Variants in ZFHX3 observed in about 807,000 individuals in gnomAD.
ZFHX3 encodes zinc finger homeobox 3, also known as zinc finger homeobox protein 3.
In ZFHX3, 42 loss-of-function variants were observed where a neutral mutation model predicts 279.1. That is an observed-to-expected ratio of 0.15 (90% CI 0.12 to 0.19). ZFHX3 has a LOEUF of 0.19. Among genes scored for constraint, ZFHX3 ranks in the 10% least tolerant of loss-of-function variants. The probability of loss-of-function intolerance (pLI) is 1.00; values close to 1 mark genes in which losing one functional copy is unlikely to be tolerated. For missense variants in ZFHX3, 4,981 were observed against 4,754.0 expected (o/e 1.05, Z -1.40); for synonymous variants, 2,293 against 1,957.8 (o/e 1.17, Z -4.52).
chr16:73,337,668 T>C (rs952626966), intron 3 of ZFHX3, among the ~76,000 whole-genome samples: 1 of 151,966 alleles, frequency 6.6e-6, no homozygotes, highest in Non-Finnish European at 1.5e-5. Flanking sequence ...ATCCATCAAA[T>C]GTGCTGGCCT....
chr16:73,339,927 A>G (rs1258747190), intron 3 of ZFHX3, among the ~76,000 whole-genome samples: 1 of 152,232 alleles, frequency 6.6e-6, no homozygotes, highest in Non-Finnish European at 1.5e-5. Flanking sequence ...GTGCTCGACA[A>G]ACCCAGCAAA....
rs758029602 is a variant in ZFHX3 at position 72,787,900 on chromosome 16, G to A, written c.10376C>T (p.Pro3459Leu). ...ADSLYDPFIV[P>L]KVQYKLVCRK... ...GCAGACCAACTTGTACTGCACCTTT[G>A]GAACAATGAAGGGGTCGTAGAGGGA... The change falls in exon 10 of 10, where the codon CCA becomes CTA. Residue 3459 changes from proline (P) to leucine (L), a missense_variant. By Grantham distance (98) the Pro-to-Leu change is moderately conservative. Coordinates refer to ENST00000268489, the MANE Select transcript of ZFHX3 (RefSeq NM_006885.4). 1 of 1,614,036 alleles carries A rather than the reference G, an allele frequency of 6.2e-7. No homozygotes were observed.
At chr16:72,820,315 C>T (rs191136091) in intron 5 of ZFHX3, among the ~76,000 whole-genome samples, 117 of 152,310 alleles carry the variant, frequency 7.7e-4, no homozygotes, top group Admixed American at 7.6e-3. Flanking sequence ...TGCACTAATT[C>T]CTTGCTGAAG....
chr16:73,185,198 A>G (rs1967884599), intron 5 of ZFHX3, among the ~76,000 whole-genome samples: 1 of 152,226 alleles, frequency 6.6e-6, no homozygotes, highest in African/African-American at 2.4e-5. Context: ...GAGCCATATT[A>G]GAATGATGTT....
At chr16:73,704,085 A>G (rs920458932) in intron 1 of ZFHX3, among the ~76,000 whole-genome samples, 6 of 152,182 alleles carry the variant, frequency 3.9e-5, no homozygotes, top group African/African-American at 1.4e-4. Context: ...GAAATTACGC[A>G]ATTTCAGACA....
At chr16:72,927,591 C>A (rs1159854453) in intron 3 of ZFHX3, among the ~76,000 whole-genome samples, 1 of 152,188 alleles carries the variant, frequency 6.6e-6, no homozygotes, top group Non-Finnish European at 1.5e-5. Flanking sequence ...AAGGCAGTGG[C>A]CTTCCCAGCG....
intron 1 of ZFHX3, among the ~76,000 whole-genome samples, chr16:73,767,422 C>G (rs1302086087): frequency 4.6e-5 from 7 of 152,142 alleles, no homozygotes. Context: ...CCAGAAGCAT[C>G]ATGTTGTAAA....
At chr16:72,852,910 G>A (rs1332344616) in intron 4 of ZFHX3, among the ~76,000 whole-genome samples, 1 of 152,140 alleles carries the variant, frequency 6.6e-6, no homozygotes, top group Non-Finnish European at 1.5e-5. Context: ...TGCCTCCTAG[G>A]TTTCAGCCAT....
At chr16:73,701,364 T>C (rs1317948756) in intron 1 of ZFHX3, among the ~76,000 whole-genome samples, 11 of 152,164 alleles carry the variant, frequency 7.2e-5, no homozygotes, top group Admixed American at 6.5e-4. Flanking sequence ...TTTAATTATA[T>C]TGTTTAAAGT....
At chr16:73,740,476 G>A (rs150929533) in intron 1 of ZFHX3, among the ~76,000 whole-genome samples, 17 of 152,048 alleles carry the variant, frequency 1.1e-4, no homozygotes, top group Admixed American at 2.6e-4. Context: ...GCCCAGATCC[G>A]TCATTGGCTA....
At chr16:73,662,788 G>A (rs2142176866) in intron 2 of ZFHX3, among the ~76,000 whole-genome samples, 2 of 152,274 alleles carry the variant, frequency 1.3e-5, no homozygotes, top group African/African-American at 4.8e-5. Flanking sequence ...CAATTTTATA[G>A]ACCCTCATTT....
At chr16:73,429,798 G>A (rs1387680923) in intron 3 of ZFHX3, among the ~76,000 whole-genome samples, 1 of 152,200 alleles carries the variant, frequency 6.6e-6, no homozygotes, top group Admixed American at 6.5e-5. Flanking sequence ...GCTGCTCACA[G>A]CTCCCTGGGA....
intron 2 of ZFHX3, among the ~76,000 whole-genome samples, chr16:73,622,483 A>G (rs890378722): frequency 6.6e-6 from 1 of 152,076 alleles, no homozygotes; most frequent in African/African-American, 2.4e-5. Context: ...AATGGTGTGA[A>G]CCGGGGAGGT....
chr16:73,458,169 C>T (rs1375393506), intron 2 of ZFHX3, among the ~76,000 whole-genome samples: 2 of 152,192 alleles, frequency 1.3e-5, no homozygotes, highest in Middle Eastern at 3.4e-3. Context: ...CTTATTATGC[C>T]TCTTTCTCTT....
intron 3 of ZFHX3, among the ~76,000 whole-genome samples, chr16:72,933,154 G>T (rs1959913543): frequency 1.3e-5 from 2 of 152,164 alleles, no homozygotes; most frequent in African/African-American, 4.8e-5. Flanking sequence ...CTCCTGAATG[G>T]TCAGATCCCA....
In ZFHX3 at chr16:73,205,963, T is replaced by C. The variant is rs148143212; in HGVS notation, c.-1104+51084A>G. On this transcript the variant is annotated intron_variant, in intron 5 of 17. Transcript: ENST00000641206. The stretch of plus-strand genomic sequence containing the variant: ...ACAATTTACAATTTGGCTGAAATTG[T>C]TAAAGAACTGGCAAATGGACTTTGA... Among the ~76,000 whole-genome samples the C allele has an allele frequency of 1.0e-3, 159 of 152,342 alleles. 1 individual carries two copies. In the East Asian group the frequency reaches 0.018, roughly 18 times the overall value.
chr16:73,488,355 C>T (rs796726748), intron 2 of ZFHX3, among the ~76,000 whole-genome samples: 5 of 152,056 alleles, frequency 3.3e-5, no homozygotes, highest in Admixed American at 1.3e-4. Flanking sequence ...GCAACATGGA[C>T]CTGCACGGGG....
chr16:73,057,990 G>T (rs1458472287), intron 1 of ZFHX3, among the ~76,000 whole-genome samples: 1 of 147,612 alleles, frequency 6.8e-6, no homozygotes, highest in South Asian at 2.1e-4. Context: ...TGGGGGCCGG[G>T]AGCGGCGGGG....
intron 3 of ZFHX3, among the ~76,000 whole-genome samples, chr16:73,364,211 A>G (rs1013704316): frequency 6.6e-6 from 1 of 151,760 alleles, no homozygotes; most frequent in African/African-American, 2.4e-5. Flanking sequence ...GGAACAAGTA[A>G]GGTCATGGGT....
Sources: gnomAD v4.1 joint callset for allele counts (sites outside exome capture counted in the v4.1 genomes callset) on GRCh38, gnomAD v4.1.1 for gene constraint, MANE v1.5 for transcripts, NCBI Gene and HGNC (gene_info 2026-07-23, HGNC 2026-07-21) for gene names.